The following ITPR2 variants were observed in gnomAD, a reference collection of about 807,000 sequenced individuals.
ITPR2 encodes the protein inositol 1,4,5-trisphosphate-gated calcium channel ITPR2.
Under a neutral mutation model 317.1 loss-of-function variants are expected in ITPR2, and 207 were observed. The ratio of observed to expected loss-of-function variants is 0.65; its 90% confidence interval spans 0.58 to 0.73. ITPR2 has a LOEUF of 0.73. Among genes scored for constraint, ITPR2 ranks in the 30% least tolerant of loss-of-function variants. The probability of loss-of-function intolerance (pLI) is 0.00; values close to 1 mark genes in which losing one functional copy is unlikely to be tolerated. For missense variants in ITPR2, 2,613 were observed against 3,284.0 expected, an observed-to-expected ratio of 0.80 and a Z score of 4.99; for synonymous variants, 1,156 against 1,149.1, an observed-to-expected ratio of 1.01 and a Z score of -0.12.
At chr12:26,613,274 G>A (rs573326307) in intron 26 of ITPR2, among the ~76,000 whole-genome samples, 22 of 152,174 alleles carry the variant, frequency 1.4e-4, no homozygotes, top group African/African-American at 5.3e-4. Flanking sequence ...ACCCAGCATA[G>A]GTTTGAACAG....
chr12:26,727,807 AC>A (rs1948956968), intron 2 of ITPR2, among the ~76,000 whole-genome samples: 1 of 152,172 alleles, frequency 6.6e-6, no homozygotes, highest in African/African-American at 2.4e-5. Context: ...GGCCAATTTC[AC>A]AGGCAACGGA....
intron 54 of ITPR2, among the ~76,000 whole-genome samples, chr12:26,398,139 A>G (rs1393662304): frequency 6.7e-6 from 1 of 149,318 alleles, no homozygotes; most frequent in Non-Finnish European, 1.5e-5. Context: ...AACTGAGAGA[A>G]GGGCCGGGTG....
chr12:26,588,068 C>A lies in ITPR2; in HGVS notation c.4380+7397G>T, dbSNP rs183447638. Among the ~76,000 whole-genome samples, 464 of 152,246 alleles carry A rather than the reference C, an allele frequency of 3.0e-3. 1 individual carries two copies. Among genetic ancestry groups the A allele is most frequent in the Non-Finnish European group, 5.4e-3 (366 of 68,018 alleles). On this transcript the variant is annotated intron_variant, in intron 32 of 56. Coordinates refer to ENST00000381340, the MANE Select transcript of ITPR2 (RefSeq NM_002223.4). The stretch of plus-strand genomic sequence containing the variant: ...AATAGAATTGCCATTTATAGAGATG[C>A]TACAGTCTTGAAAAGGGGTTATTTT...
At chr12:26,740,267 A>G (rs1276343431) in intron 2 of ITPR2, among the ~76,000 whole-genome samples, 1 of 152,220 alleles carries the variant, frequency 6.6e-6, no homozygotes, top group Non-Finnish European at 1.5e-5. Context: ...TGAGGGTCCC[A>G]ACGAACAAAA....
chr12:26,640,154 A>G (rs1379557883), intron 21 of ITPR2, among the ~76,000 whole-genome samples: 2 of 152,212 alleles, frequency 1.3e-5, no homozygotes, highest in Non-Finnish European at 2.9e-5. Flanking sequence ...AGCAATATTT[A>G]TAACTACAGA....
chr12:26,699,079 G>T (rs1948399295), intron 9 of ITPR2, among the ~76,000 whole-genome samples: 1 of 151,572 alleles, frequency 6.6e-6, no homozygotes, highest in Admixed American at 6.6e-5. Context: ...TTCGACCAAG[G>T]ATGTACCTTA....
intron 2 of ITPR2, among the ~76,000 whole-genome samples, chr12:26,770,159 T>C (rs1949814303): frequency 6.6e-6 from 1 of 152,180 alleles, no homozygotes; most frequent in Non-Finnish European, 1.5e-5. Context: ...ATCTGAAGAC[T>C]TCACCAAGGA....
chr12:26,439,401 T>G (rs1380386868), intron 46 of ITPR2, 82 bp from the exon 47 acceptor site: 18 of 1,002,834 alleles, frequency 1.8e-5, no homozygotes, highest in Non-Finnish European at 2.6e-5. Flanking sequence ...ATGAGTTTAC[T>G]GAGAATGTTT....
intron 21 of ITPR2, chr12:26,648,619 A>G (rs949865022): frequency 2.0e-5 from 3 of 152,158 alleles, no homozygotes; most frequent in Admixed American, 6.5e-5. Flanking sequence ...ATGAAAAAAA[A>G]AAGAAGAAAA....
chr12:26,776,793 C>T (rs1245479324), intron 2 of ITPR2, among the ~76,000 whole-genome samples: 1 of 152,182 alleles, frequency 6.6e-6, no homozygotes, highest in Non-Finnish European at 1.5e-5. Flanking sequence ...TAGGCAGTTG[C>T]CAGGCAAGAT....
intron 10 of ITPR2, among the ~76,000 whole-genome samples, chr12:26,693,111 A>G (rs534335757): frequency 1.2e-4 from 18 of 152,310 alleles, no homozygotes; most frequent in African/African-American, 3.8e-4. Flanking sequence ...GAGGAAAAAA[A>G]ATTAAATCAA....
chr12:26,679,462 G>A (rs991566461), intron 13 of ITPR2, among the ~76,000 whole-genome samples: 1 of 152,118 alleles, frequency 6.6e-6, no homozygotes, highest in Non-Finnish European at 1.5e-5. Flanking sequence ...CAGGAAATGG[G>A]ACCCTGCAGG....
chr12:26,413,844 A>G (rs960780227), intron 51 of ITPR2, among the ~76,000 whole-genome samples: 1 of 152,206 alleles, frequency 6.6e-6, no homozygotes, highest in Non-Finnish European at 1.5e-5. Context: ...TCATAACACA[A>G]TGATAACCAA....
At chr12:26,803,999 T>C (rs1003184491) in intron 1 of ITPR2, among the ~76,000 whole-genome samples, 1 of 152,096 alleles carries the variant, frequency 6.6e-6, no homozygotes, top group Admixed American at 6.6e-5. Flanking sequence ...TCCCAAAATA[T>C]GTGCAACTAT....
At chr12:26,695,437 A>G (rs1948322688) in intron 10 of ITPR2, among the ~76,000 whole-genome samples, 169 bp downstream of exon 10, 1 of 152,158 alleles carries the variant, frequency 6.6e-6, no homozygotes, top group East Asian at 1.9e-4. Flanking sequence ...ATAATTGAAC[A>G]TCTTCTCATA....
rs776840205 is a variant in ITPR2, at chr12:26,776,303, T to C, written c.163+13854A>G. Among the ~76,000 whole-genome samples, 198 of 152,306 alleles carry C rather than the reference T, an allele frequency of 1.3e-3. 3 individuals are homozygous for C. The highest frequency in any genetic ancestry group is 3.8e-4 in the African/African-American group (16 of 41,570). The stretch of plus-strand genomic sequence containing the variant: ...AAGGAACCTAATGAAGTTGGTTGGT[T>C]GCTCCTAAGTTCACTGGACAAAGTG... On this transcript the variant is annotated intron_variant, in intron 2 of 56. Coordinates refer to ENST00000381340, the MANE Select transcript of ITPR2 (RefSeq NM_002223.4).
At chr12:26,569,039 C>G (rs985719132) in intron 34 of ITPR2, among the ~76,000 whole-genome samples, 4 of 152,024 alleles carry the variant, frequency 2.6e-5, no homozygotes, top group Non-Finnish European at 4.4e-5. Context: ...CACCTTATAC[C>G]TCACAACTAA....
At chr12:26,491,421 T>C (rs1378290390) in intron 39 of ITPR2, among the ~76,000 whole-genome samples, 1 of 141,082 alleles carries the variant, frequency 7.1e-6, no homozygotes, top group East Asian at 2.3e-4. Context: ...AGGCGGAGTT[T>C]GCAGTGAGCC....
At chr12:26,416,963 C>T (rs1355964531) in intron 50 of ITPR2, among the ~76,000 whole-genome samples, 2 of 152,134 alleles carry the variant, frequency 1.3e-5, no homozygotes, top group Non-Finnish European at 2.9e-5. Flanking sequence ...GGGTTCCGTT[C>T]TAGGCCCATG....
Sources: allele counts gnomAD v4.1 joint callset (sites outside exome capture counted in the v4.1 genomes callset), GRCh38; gene constraint gnomAD v4.1.1; transcripts MANE v1.5; gene names NCBI Gene and HGNC (gene_info 2026-07-23, HGNC 2026-07-21).